RPGRIP1: variants seen among roughly 807,000 people sequenced by gnomAD.
The protein encoded by RPGRIP1 is X-linked retinitis pigmentosa GTPase regulator-interacting protein 1.
In RPGRIP1, 128 loss-of-function variants were observed where a neutral mutation model predicts 157.9. That is an observed-to-expected ratio of 0.81 (90% CI 0.70 to 0.94). The LOEUF (loss-of-function observed/expected upper bound fraction) is 0.94. Ranked by LOEUF, RPGRIP1 falls within the 40% of genes least tolerant of loss-of-function variation. The pLI is 0.00. For missense variants in RPGRIP1, 1,486 were observed against 1,545.8 expected (o/e 0.96, Z 0.65); for synonymous variants, 554 against 571.6 (o/e 0.97, Z 0.44).
rs1883600054 is a variant in RPGRIP1 at position 21,330,286 on chromosome 14, A to T, written c.3137A>T (p.Asn1046Ile). 1 of 1,577,672 alleles carries T rather than the reference A, an allele frequency of 6.3e-7. No individual in the cohort carries two copies. Among genetic ancestry groups the T allele is most frequent in the Admixed American group, 1.9e-5 (1 of 53,804 alleles). The change falls in exon 20 of 25, where the codon AAC (asparagine) becomes ATC (isoleucine). Residue 1046 changes from asparagine (N) to isoleucine (I), a missense_variant. By Grantham distance (149) the Asn-to-Ile change is moderately radical. Transcript: ENST00000400017. Reference sequence around the variant, plus strand: ...ACTGAGTGGAAGTTCTCAGAGACTAACAGCTTCATAGGTGATGGCTTTAAA... The same window carrying T: ...ACTGAGTGGAAGTTCTCAGAGACTATCAGCTTCATAGGTGATGGCTTTAAA... ...NYTEWKFSET[N>I]SFIGDGFKNQ... is the part of the protein sequence containing the mutation.
intron 6 of RPGRIP1, among the ~76,000 whole-genome samples, chr14:21,305,139 G>A (rs1382091597): frequency 2.6e-5 from 4 of 152,084 alleles, no homozygotes; most frequent in African/African-American, 9.7e-5. Context: ...AAATGTGTAA[G>A]GACATGTATC....
Position 21,330,252 on chromosome 14 carries a change from G to C in RPGRIP1, c.3103G>C (p.Val1035Leu). The C allele has an allele frequency of 6.5e-7, 1 of 1,549,374 alleles. No individual in the cohort carries two copies. The highest frequency in any genetic ancestry group is 1.3e-5 in the South Asian group (1 of 78,342). Residue 1035 changes from valine (V) to leucine (L), a missense_variant, in exon 20 of 25, where the codon GTG becomes CTG. By Grantham distance (32) the Val-to-Leu change is conservative. Transcript: ENST00000400017. Reference sequence around the variant, plus strand: ...TATTGTTGTTCTTATTCTGAAGCAGGTGAATTACACTGAGTGGAAGTTCTC... The same window carrying C: ...TATTGTTGTTCTTATTCTGAAGCAGCTGAATTACACTGAGTGGAAGTTCTC... ...NILNGNTPEQ[V>L]NYTEWKFSET...
intron 19 of RPGRIP1, among the ~76,000 whole-genome samples, chr14:21,329,779 A>G (rs1437141300): frequency 1.3e-5 from 2 of 149,592 alleles, no homozygotes; most frequent in African/African-American, 4.9e-5. Flanking sequence ...TATAGGCGTG[A>G]GCCACCATGC....
chr14:21,321,062 A>G (rs942826735), intron 12 of RPGRIP1, among the ~76,000 whole-genome samples, 197 bp from the exon 13 acceptor site: 1 of 152,228 alleles, frequency 6.6e-6, no homozygotes, highest in Non-Finnish European at 1.5e-5. Flanking sequence ...TGGCTGTATC[A>G]TCTCCCTTCA....
chr14:21,307,666 C>A, intron 6 of RPGRIP1, 65 bp from the exon 7 acceptor site: 1 of 1,058,530 alleles, frequency 9.4e-7, no homozygotes, highest in South Asian at 1.4e-5. Flanking sequence ...AGGGCATAGT[C>A]AAGGAGAAAA....
Position 21,328,497 on chromosome 14 carries a change from G to T in RPGRIP1, c.2969G>T (p.Gly990Val). Residue 990 changes from glycine (G) to valine (V), a missense_variant, in exon 19 of 25, where the codon GGA becomes GTA. By Grantham distance (109) the Gly-to-Val change is moderately radical. Transcript: ENST00000400017. ...YRSKRKPPHG[G>V]ERKEKEHQVV... ...TCTAAGAGAAAACCTCCTCATGGGG[G>T]AGAAAGAAAGGAGAAGGAGCACCAG... 2 of 1,613,816 alleles carry T rather than the reference G, an allele frequency of 1.2e-6. No homozygotes were observed. The highest frequency in any genetic ancestry group is 1.7e-6 in the Non-Finnish European group (2 of 1,179,804).
Position 21,327,852 on chromosome 14 carries a change from A to G in RPGRIP1, c.2895+45A>G, listed in dbSNP as rs139449549. On this transcript the variant is annotated intron_variant, in intron 18 of 24. Transcript: ENST00000400017. ...CAGGTAGCAGATCTCTGCCAATCCT[A>G]TGGAGCAGATTTGAAGGAGACAGTA... 4.9e-6 allele frequency: 7 copies of G among 1,423,326 alleles called. No individual in the cohort carries two copies. The African/African-American group carries it at 7.1e-5, about 15-fold the overall frequency. 88.2% of individuals were successfully genotyped at this position (1,423,326 alleles called of 1,614,324 possible).
chr14:21,315,175 A>C (rs1215498618), intron 10 of RPGRIP1, among the ~76,000 whole-genome samples: 1 of 152,042 alleles, frequency 6.6e-6, no homozygotes, highest in Non-Finnish European at 1.5e-5. Flanking sequence ...TCTCAAACAA[A>C]AAAAAAACCT....
At chr14:21,304,419 GA>G (rs1566673297) in intron 6 of RPGRIP1, among the ~76,000 whole-genome samples, 28 of 150,284 alleles carry the variant, frequency 1.9e-4, no homozygotes, top group African/African-American at 6.3e-4. Context: ...AAGAAAGAAA[GA>G]AAGAAAGAAA....
Position 21,321,372 on chromosome 14 carries a change from T to C in RPGRIP1, c.1581T>C (p.Ile527=), listed in dbSNP as rs1198707436. ...LELEKTRDML[I]LQRKINVCYQ... ...TAGAAAAGACCAGGGACATGCTTAT[T>C]CTGCAGCGCAAAATCAACGTGTGTT... Residue 527 remains isoleucine, a synonymous_variant, in exon 13 of 25, where the codon ATT becomes ATC. Coordinates refer to ENST00000400017, the MANE Select transcript of RPGRIP1 (RefSeq NM_020366.4). 4 of 1,612,334 alleles carry C rather than the reference T, an allele frequency of 2.5e-6. No homozygotes were observed. In the African/African-American group the frequency reaches 5.3e-5, roughly 22 times the overall value.
At chr14:21,325,644 G>A in intron 16 of RPGRIP1, 187 bp from the exon 17 acceptor site, 1 of 633,888 alleles carries the variant, frequency 1.6e-6, no homozygotes, top group Non-Finnish European at 2.7e-6. Context: ...AGTCGTGAGT[G>A]CCAGTATCTC....
intron 24 of RPGRIP1, among the ~76,000 whole-genome samples, chr14:21,348,761 G>A (rs1396417337): frequency 1.3e-5 from 2 of 149,178 alleles, no homozygotes; most frequent in Non-Finnish European, 3.0e-5. Flanking sequence ...TGCCTCCCAG[G>A]TTCCAGCTGT....
intron 8 of RPGRIP1, among the ~76,000 whole-genome samples, chr14:21,311,270 G>A (rs1291493636): frequency 6.6e-6 from 1 of 152,194 alleles, no homozygotes; most frequent in Admixed American, 6.5e-5. Context: ...AAGGCTCAAG[G>A]GCCAGGCGCG....
intron 10 of RPGRIP1, among the ~76,000 whole-genome samples, chr14:21,316,134 C>T (rs951049839): frequency 2.0e-5 from 3 of 151,962 alleles, no homozygotes; most frequent in Admixed American, 6.6e-5. Context: ...CCGGCCACCA[C>T]ACCTGGTTAA....
At chr14:21,289,514 A>G (rs1344597357) in intron 2 of RPGRIP1, among the ~76,000 whole-genome samples, 2 of 152,126 alleles carry the variant, frequency 1.3e-5, no homozygotes, top group Non-Finnish European at 1.5e-5. Context: ...ATTTTGCTCC[A>G]CTTTCCCATC....
At chr14:21,305,803 C>T (rs993266450) in intron 6 of RPGRIP1, among the ~76,000 whole-genome samples, 1 of 152,046 alleles carries the variant, frequency 6.6e-6, no homozygotes, top group Non-Finnish European at 1.5e-5. Context: ...AGGGGTTGCA[C>T]TGGGCCAAGA....
Position 21,321,342 on chromosome 14 carries a change from G to T in RPGRIP1, c.1551G>T (p.Leu517Phe), listed in dbSNP as rs542639585. The change falls in exon 13 of 25, where the codon TTG becomes TTT. Residue 517 changes from leucine (L) to phenylalanine (F), a missense_variant. Transcript: ENST00000400017. ...AAGTATCACACGCAGAGACCACATT[G>T]GAACTAGAAAAGACCAGGGACATGC... ...ELQVSHAETTLELEKTRDMLI... is the reference protein window; with the variant it reads ...ELQVSHAETTFELEKTRDMLI... 8.1e-6 allele frequency: 13 copies of T among 1,613,872 alleles called. No individual in the cohort carries two copies. In the East Asian group the frequency reaches 2.9e-4, roughly 36 times the overall value.
chr14:21,343,324 C>T (rs1197703806), intron 22 of RPGRIP1, 96 bp downstream of exon 22: 15 of 898,164 alleles, frequency 1.7e-5, no homozygotes, highest in Non-Finnish European at 2.5e-5. Flanking sequence ...GTGAATCCAG[C>T]CATTTCACTT....
At position 21,328,465 on chromosome 14, in the gene RPGRIP1, G is replaced by T. The variant is rs1250035608; in HGVS notation, c.2937G>T (p.Gln979His). The change falls in exon 19 of 25, where the codon CAG (glutamine) becomes CAT (histidine). Residue 979 changes from glutamine (Q) to histidine (H), a missense_variant. Transcript: ENST00000400017. ...ASPEVPIEAG[Q>H]YRSKRKPPHG... ...CTGAGGTTCCCATTGAAGCTGGCCA[G>T]TATCGATCTAAGAGAAAACCTCCTC... 1.9e-6 allele frequency: 3 copies of T among 1,613,782 alleles called. No individual in the cohort carries two copies. The South Asian group carries it at 3.3e-5, about 18-fold the overall frequency.
Sources: gnomAD v4.1 joint callset for allele counts (sites outside exome capture counted in the v4.1 genomes callset) on GRCh38, gnomAD v4.1.1 for gene constraint, MANE v1.5 for transcripts, NCBI Gene and HGNC (gene_info 2026-07-23, HGNC 2026-07-21) for gene names.